UBE2E2: variants seen among roughly 807,000 people sequenced by gnomAD.
UBE2E2 encodes ubiquitin conjugating enzyme E2 E2.
A neutral mutation model predicts 24.7 loss-of-function variants in UBE2E2; 6 were observed. That is an observed-to-expected ratio of 0.24 (90% CI 0.13 to 0.48). UBE2E2 has a LOEUF of 0.48. Among genes scored for constraint, UBE2E2 ranks in the 20% least tolerant of loss-of-function variants. The pLI, the probability that UBE2E2 is intolerant of heterozygous loss-of-function variation, is 0.99. For synonymous variants in UBE2E2, 104 were observed against 83.6 expected (o/e 1.24, Z -1.33); for missense variants, 169 against 245.0 (o/e 0.69, Z 2.07).
intron 3 of UBE2E2, among the ~76,000 whole-genome samples, chr3:23,220,532 T>C (rs935079208): frequency 6.6e-6 from 1 of 152,220 alleles, no homozygotes; most frequent in East Asian, 1.9e-4. Context: ...TTAGAGTATT[T>C]CCTATAAGTA....
chr3:23,462,635 G>C (rs1698827988), intron 3 of UBE2E2, among the ~76,000 whole-genome samples: 1 of 152,118 alleles, frequency 6.6e-6, no homozygotes, highest in Non-Finnish European at 1.5e-5. Flanking sequence ...AGTGACACCT[G>C]GGTGCTACAA....
chr3:23,290,000 A>G (rs1698719220), intron 3 of UBE2E2, among the ~76,000 whole-genome samples: 1 of 152,276 alleles, frequency 6.6e-6, no homozygotes. Flanking sequence ...AAGAGGACTC[A>G]TTTAAAACAT....
At chr3:23,275,591 TG>T (rs1418554801) in intron 3 of UBE2E2, among the ~76,000 whole-genome samples, 2 of 152,136 alleles carry the variant, frequency 1.3e-5, no homozygotes, top group East Asian at 3.8e-4. Flanking sequence ...TTGTGGACAG[TG>T]GGTTTGTAAA....
intron 3 of UBE2E2, among the ~76,000 whole-genome samples, chr3:23,377,170 T>C (rs1174540832): frequency 1.3e-5 from 2 of 152,178 alleles, no homozygotes; most frequent in Non-Finnish European, 2.9e-5. Context: ...CTTACCAACC[T>C]ACAAGGAAAT....
At chr3:23,299,085 T>C (rs1230976400) in intron 3 of UBE2E2, among the ~76,000 whole-genome samples, 2 of 152,236 alleles carry the variant, frequency 1.3e-5, no homozygotes, top group African/African-American at 4.8e-5. Flanking sequence ...TAGAGGTGTT[T>C]ATAGTATTCT....
chr3:23,473,022 T>C (rs1699060337), intron 3 of UBE2E2, among the ~76,000 whole-genome samples: 1 of 152,084 alleles, frequency 6.6e-6, no homozygotes, highest in South Asian at 2.1e-4. Flanking sequence ...TGTGATACTG[T>C]GCATTTTCTG....
At chr3:23,424,886 A>G (rs1697888156) in intron 3 of UBE2E2, among the ~76,000 whole-genome samples, 1 of 152,180 alleles carries the variant, frequency 6.6e-6, no homozygotes, top group Non-Finnish European at 1.5e-5. Flanking sequence ...TTTATCTTAA[A>G]TTGGTTATAT....
intron 3 of UBE2E2, among the ~76,000 whole-genome samples, chr3:23,220,838 T>G (rs141802475): frequency 6.6e-6 from 1 of 152,248 alleles, no homozygotes; most frequent in African/African-American, 2.4e-5. Context: ...TCACAGTTCT[T>G]CACAAATTGT....
chr3:23,246,665 C>T (rs897974056), intron 3 of UBE2E2, among the ~76,000 whole-genome samples: 1 of 150,836 alleles, frequency 6.6e-6, no homozygotes, highest in Non-Finnish European at 1.5e-5. Flanking sequence ...CTTATAGCCA[C>T]TGCACCTGAC....
At position 23,296,517 on chromosome 3, in the gene UBE2E2, T is replaced by G. The variant is rs1698913626; in HGVS notation, c.227+79205T>G. 2.6e-5 allele frequency among the ~76,000 whole-genome samples: 4 copies of G among 152,138 alleles called. No individual in the cohort carries two copies. In the South Asian group the frequency reaches 8.3e-4, roughly 32 times the overall value. On this transcript the variant is annotated intron_variant, in intron 3 of 5. Coordinates refer to ENST00000396703, the MANE Select transcript of UBE2E2 (RefSeq NM_152653.4). ...TGTTCCCCTTCCTGTGCCCATGTGT[T>G]CTCATTGTTCAATTCCCACCTATAA... is the stretch of plus-strand genomic sequence containing the variant.
intron 3 of UBE2E2, among the ~76,000 whole-genome samples, chr3:23,347,790 G>T (rs916092275): frequency 6.6e-6 from 1 of 152,006 alleles, no homozygotes; most frequent in Non-Finnish European, 1.5e-5. Flanking sequence ...CTACTTCTGT[G>T]TCTCAATTTG....
chr3:23,405,919 T>C (rs1697344965), intron 3 of UBE2E2, among the ~76,000 whole-genome samples: 3 of 152,220 alleles, frequency 2.0e-5, no homozygotes, highest in Non-Finnish European at 4.4e-5. Context: ...CATGAATTGG[T>C]CACTAAGAAG....
At chr3:23,326,921 A>G (rs1466416969) in intron 3 of UBE2E2, among the ~76,000 whole-genome samples, 1 of 151,644 alleles carries the variant, frequency 6.6e-6, no homozygotes, top group Non-Finnish European at 1.5e-5. Context: ...AGAACATGCG[A>G]TGTTTGGTTT....
At chr3:23,290,496 T>G (rs1276415213) in intron 3 of UBE2E2, among the ~76,000 whole-genome samples, 2 of 152,064 alleles carry the variant, frequency 1.3e-5, no homozygotes, top group African/African-American at 4.8e-5. Flanking sequence ...TAATTTTTAT[T>G]TTTTTGAACT....
intron 3 of UBE2E2, among the ~76,000 whole-genome samples, chr3:23,471,705 C>A (rs567703689): frequency 6.6e-6 from 1 of 152,254 alleles, no homozygotes; most frequent in South Asian, 2.1e-4. Context: ...CAAATGCTGT[C>A]ACTGAAGGAA....
Position 23,532,710 on chromosome 3 carries a change from CT to C in UBE2E2, c.508+12del. 1 of 1,510,318 alleles carries C rather than the reference CT, an allele frequency of 6.6e-7. No individual in the cohort carries two copies. Among genetic ancestry groups the C allele is most frequent in the South Asian group, 1.4e-5 (1 of 73,994 alleles). The allele number at this position is 1,510,318 out of a possible 1,614,324, so 93.6% of individuals were successfully genotyped here. A position where few individuals can be genotyped will look rare whatever the true frequency, so the allele number is the denominator to read the frequency against. Reference sequence around the variant, plus strand: ...TACAGATTGCAACCCTGGTAAGAGACTTTAAATCTAGTATGAATTGGAGCTT... The same window carrying C: ...TACAGATTGCAACCCTGGTAAGAGACTTAAATCTAGTATGAATTGGAGCTT... On this transcript the variant is annotated intron_variant, in intron 5 of 5. Coordinates refer to ENST00000396703, the MANE Select transcript of UBE2E2 (RefSeq NM_152653.4).
intron 5 of UBE2E2, among the ~76,000 whole-genome samples, chr3:23,550,780 G>A (rs920222031): frequency 6.6e-6 from 1 of 152,166 alleles, no homozygotes; most frequent in African/African-American, 2.4e-5. Context: ...AAACCAAAGA[G>A]AGAGGCCAGC....
intron 3 of UBE2E2, among the ~76,000 whole-genome samples, chr3:23,424,068 C>T (rs938042847): frequency 8.5e-5 from 13 of 152,122 alleles, no homozygotes; most frequent in Non-Finnish European, 1.8e-4. Context: ...TCTCTTCAAG[C>T]TTTTGTTCCC....
chr3:23,370,394 G>T (rs1024401859), intron 3 of UBE2E2, among the ~76,000 whole-genome samples: 5 of 152,176 alleles, frequency 3.3e-5, no homozygotes, highest in African/African-American at 9.7e-5. Flanking sequence ...ATTAACTAGA[G>T]ATAGTAATGT....
Sources: gnomAD v4.1 joint callset for allele counts (sites outside exome capture counted in the v4.1 genomes callset) on GRCh38, gnomAD v4.1.1 for gene constraint, MANE v1.5 for transcripts, NCBI Gene and HGNC (gene_info 2026-07-23, HGNC 2026-07-21) for gene names.